PCDHGA3: variants seen among roughly 807,000 people sequenced by gnomAD.
PCDHGA3 encodes the protein protocadherin gamma-A3.
Under a neutral mutation model 58.5 loss-of-function variants are expected in PCDHGA3, and 40 were observed. The ratio of observed to expected loss-of-function variants is 0.68; its 90% CI spans 0.53 to 0.89. The LOEUF is 0.89. Among genes scored for constraint, PCDHGA3 ranks in the 40% least tolerant of loss-of-function variants. The probability of loss-of-function intolerance (pLI) is 0.00; values close to 1 mark genes in which losing one functional copy is unlikely to be tolerated. For missense variants in PCDHGA3, 1,223 were observed against 1,195.9 expected, an observed-to-expected ratio of 1.02 and a Z score of -0.33; for synonymous variants, 530 against 525.7, an observed-to-expected ratio of 1.01 and a Z score of -0.11.
chr5:141,379,614 A>G (rs947547089), intron 1 of PCDHGA3: 1 of 152,204 alleles, frequency 6.6e-6, no homozygotes, highest in African/African-American at 2.4e-5. Context: ...TTTCATTTAA[A>G]CAAATAAAAT....
At position 141,346,373 on chromosome 5, in the gene PCDHGA3, C is replaced by T. The variant is rs1757745041; in HGVS notation, c.2340C>T (p.Ile780=). 1 of 1,614,264 alleles carries T rather than the reference C, an allele frequency of 6.2e-7. No individual in the cohort carries two copies. Among genetic ancestry groups the T allele is most frequent in the Non-Finnish European group, 8.5e-7 (1 of 1,180,056 alleles). Residue 780 remains isoleucine, a synonymous_variant, in exon 1 of 4, where the codon ATC becomes ATT. Transcript: ENST00000253812. ...FPQPNYADTL[I]SQESCEKSEP... ...AGCCCAACTATGCGGACACGCTCAT[C>T]AGCCAGGAGAGCTGTGAGAAAAGCG...
In PCDHGA3 at chr5:141,491,633, C is replaced by T; in HGVS notation, c.2425-3174C>T. Reference sequence around the variant, plus strand: ...CTAAGACCCCTCAGCGTTCAGCAGCCCACAGCTCTGGCGCTGGAGCCTGAC... The same window carrying T: ...CTAAGACCCCTCAGCGTTCAGCAGCTCACAGCTCTGGCGCTGGAGCCTGAC... On this transcript the variant is annotated intron_variant, in intron 1 of 3. Transcript: ENST00000253812. This position sits in a 1 kb window ranked among gnomAD's most constrained non-coding sequence, Gnocchi z 6.9. 2 of 1,613,916 alleles carry T rather than the reference C, an allele frequency of 1.2e-6. No homozygotes were observed.
Position 141,420,255 on chromosome 5 carries a change from A to T in PCDHGA3, c.2424+73798A>T, listed in dbSNP as rs917458059. The T allele has an allele frequency of 2.5e-6, 4 of 1,569,630 alleles. No homozygotes were observed. The highest frequency in any genetic ancestry group is 1.4e-5 in the African/African-American group (1 of 73,152). On this transcript the variant is annotated intron_variant, in intron 1 of 3. Coordinates refer to ENST00000253812, the MANE Select transcript of PCDHGA3 (RefSeq NM_018916.4). ...ATTTTAACTCCCAGCGTTGAAGCAG[A>T]TAAGAAGATTCTTAAACAGGTAAGT...
At chr5:141,362,071 G>T (rs1322302295) in intron 1 of PCDHGA3, 1 of 1,612,812 alleles carries the variant, frequency 6.2e-7, no homozygotes, top group African/African-American at 1.3e-5. Flanking sequence ...GCTGGTCGCT[G>T]TGCGTGATGG....
intron 1 of PCDHGA3, chr5:141,355,919 C>T: frequency 6.2e-7 from 1 of 1,613,812 alleles, no homozygotes; most frequent in Non-Finnish European, 8.5e-7. Flanking sequence ...GATAATGCTC[C>T]CGTGTTCACT....
At position 141,427,886 on chromosome 5, in the gene PCDHGA3, C is replaced by T. The variant is rs908553179; in HGVS notation, c.2425-66921C>T. The T allele has an allele frequency of 1.9e-6, 3 of 1,565,276 alleles. 1 individual carries two copies. On this transcript the variant is annotated intron_variant, in intron 1 of 3. Coordinates refer to ENST00000253812, the MANE Select transcript of PCDHGA3 (RefSeq NM_018916.4). ...TCGAGCTCACGATGCAGGCCCACGA[C>T]CAGGGCTCGCCCGCGCTCAGCGCCA...
chr5:141,393,917 C>T (rs1429211009), intron 1 of PCDHGA3: 12 of 1,613,806 alleles, frequency 7.4e-6, no homozygotes, highest in Non-Finnish European at 1.7e-6. Context: ...TAATTGCCTT[C>T]TTGAGTGTGC....
At chr5:141,360,105 C>A in intron 1 of PCDHGA3, 1 of 1,550,518 alleles carries the variant, frequency 6.4e-7, no homozygotes. Context: ...CTTATTCCTC[C>A]TATGGGCAAA....
intron 1 of PCDHGA3, among the ~76,000 whole-genome samples, chr5:141,460,976 T>C (rs1444476508): frequency 7.6e-6 from 1 of 131,636 alleles, no homozygotes; most frequent in Non-Finnish European, 1.6e-5. Flanking sequence ...TGTGTGTGTG[T>C]GTGTGTGTAT....
intron 1 of PCDHGA3, chr5:141,410,354 T>C (rs2095384532): frequency 3.7e-6 from 6 of 1,614,048 alleles, no homozygotes; most frequent in Non-Finnish European, 5.1e-6. Context: ...CCTGCGACGC[T>C]CTCTCAGCCC....
At chr5:141,352,925 T>C (rs1029791650) in intron 1 of PCDHGA3, among the ~76,000 whole-genome samples, 10 of 152,020 alleles carry the variant, frequency 6.6e-5, no homozygotes, top group African/African-American at 2.4e-4. Context: ...GAGGTGGAGA[T>C]TGTAGTGAGC....
At chr5:141,410,888 C>G in intron 1 of PCDHGA3, 1 of 290,774 alleles carries the variant, frequency 3.4e-6, no homozygotes, top group Non-Finnish European at 5.6e-6. Flanking sequence ...GAGTCTCGCA[C>G]TGTTGCCTAG....
At chr5:141,505,298 T>TA in intron 2 of PCDHGA3, 95 bp from the exon 3 acceptor site, 1 of 1,586,334 alleles carries the variant, frequency 6.3e-7, no homozygotes, top group Non-Finnish European at 8.6e-7. Context: ...GGGGTAGGGT[T>TA]AGGGTACTAG....
At chr5:141,375,524 G>C (rs746416710) in intron 1 of PCDHGA3, 2 of 1,613,868 alleles carry the variant, frequency 1.2e-6, no homozygotes, top group African/African-American at 2.7e-5. Flanking sequence ...GGACCCTGAC[G>C]TGGACCAGAA....
At chr5:141,436,071 A>G (rs1419598304) in intron 1 of PCDHGA3, among the ~76,000 whole-genome samples, 1 of 152,222 alleles carries the variant, frequency 6.6e-6, no homozygotes. Context: ...TAATAAGTAC[A>G]GTGTTCTATA....
At chr5:141,506,432 C>A (rs2099853359) in intron 3 of PCDHGA3, among the ~76,000 whole-genome samples, 1 of 132,482 alleles carries the variant, frequency 7.5e-6, no homozygotes, top group Non-Finnish European at 1.6e-5. Context: ...GGGCAACAGT[C>A]TCGCTCTGTC....
At chr5:141,420,056 T>C (rs1241770239) in intron 1 of PCDHGA3, 1 of 1,614,044 alleles carries the variant, frequency 6.2e-7, no homozygotes, top group Admixed American at 1.7e-5. Flanking sequence ...AGTTCTCTGC[T>C]CCAAGTCCGG....
chr5:141,438,591 C>CATAT (rs946798767), intron 1 of PCDHGA3, among the ~76,000 whole-genome samples: 211 of 75,392 alleles, frequency 2.8e-3, no homozygotes, highest in Non-Finnish European at 4.1e-3. Context: ...TACATACATA[C>CATAT]ATATATATAT....
chr5:141,477,268 C>T lies in PCDHGA3; in HGVS notation c.2425-17539C>T. ...TGACTGACCTGGATGCTGGCGAGAA[C>T]GGGCTGGTGACCTGCGAAGTTCCAC... On this transcript the variant is annotated intron_variant, in intron 1 of 3. Transcript: ENST00000253812. The surrounding 1 kb of genome is among the most constrained non-coding windows in gnomAD (Gnocchi z 4.9). The T allele has an allele frequency of 6.2e-7, 1 of 1,614,196 alleles. No individual in the cohort carries two copies. The highest frequency in any genetic ancestry group is 8.5e-7 in the Non-Finnish European group (1 of 1,180,030).
Sources: gnomAD v4.1 joint callset for allele counts (sites outside exome capture counted in the v4.1 genomes callset) on GRCh38, gnomAD v4.1.1 for gene constraint, Gnocchi (gnomAD v3.1) non-coding constraint, MANE v1.5 for transcripts, NCBI Gene and HGNC (gene_info 2026-07-23, HGNC 2026-07-21) for gene names.